THADA: variants seen among roughly 807,000 people sequenced by gnomAD.
The protein encoded by THADA is tRNA (32-2'-O)-methyltransferase regulator THADA.
In THADA, 213 loss-of-function variants were observed where a neutral mutation model predicts 219.8. The ratio of observed to expected loss-of-function variants is 0.97; its 90% confidence interval spans 0.87 to 1.09. The LOEUF (loss-of-function observed/expected upper bound fraction) is 1.09. Ranked by LOEUF, THADA falls within the 50% of genes least tolerant of loss-of-function variation. The pLI is 0.00. For synonymous variants in THADA, 1,018 were observed against 828.9 expected (o/e 1.23, Z -3.92); for missense variants, 2,956 against 2,311.3 (o/e 1.28, Z -5.72).
rs757003700 is a variant in THADA at position 43,292,172 on chromosome 2, C to T, written c.4869G>A (p.Thr1623=). The T allele has an allele frequency of 1.9e-5, 30 of 1,612,064 alleles. No homozygotes were observed. The highest frequency in any genetic ancestry group is 1.6e-4 in the Middle Eastern group (1 of 6,082). The change falls in exon 33 of 38, where the codon ACG becomes ACA. Residue 1623 remains threonine (T), a synonymous_variant. Coordinates refer to ENST00000405975, the MANE Select transcript of THADA (RefSeq NM_022065.5). The stretch of plus-strand genomic sequence containing the variant: ...TTGGGGTCAGATGGACACAGTGCTC[C>T]GTCTGGGGAAGCCACTCACCAGGGT... ...CMDPGEWLPQ[T]EHCVHLTPKE...
intron 30 of THADA, among the ~76,000 whole-genome samples, chr2:43,336,082 G>A (rs1421825714): frequency 1.3e-5 from 2 of 150,600 alleles, no homozygotes; most frequent in Non-Finnish European, 3.0e-5. Flanking sequence ...GGGTGACAGA[G>A]TGAGACTCCA....
At chr2:43,336,334 C>T (rs959188827) in intron 30 of THADA, among the ~76,000 whole-genome samples, 5 of 152,042 alleles carry the variant, frequency 3.3e-5, no homozygotes, top group Non-Finnish European at 5.9e-5. Flanking sequence ...TGCAGTGGCG[C>T]GATCTCGGCT....
chr2:43,434,467 A>C (rs1679810756), intron 26 of THADA, among the ~76,000 whole-genome samples: 1 of 152,072 alleles, frequency 6.6e-6, no homozygotes, highest in Non-Finnish European at 1.5e-5. Context: ...CATGCCCCCA[A>C]CCTGTACCTA....
intron 21 of THADA, among the ~76,000 whole-genome samples, chr2:43,530,578 T>G (rs1341418155): frequency 2.0e-5 from 3 of 152,162 alleles, no homozygotes; most frequent in Non-Finnish European, 4.4e-5. Flanking sequence ...AGAAAGTCAA[T>G]GAGATGAGGT....
chr2:43,354,119 C>A (rs1007719580), intron 29 of THADA, among the ~76,000 whole-genome samples: 7 of 151,940 alleles, frequency 4.6e-5, no homozygotes, highest in African/African-American at 1.7e-4. Context: ...CTGCGCCCGG[C>A]CAATTTTTGT....
In THADA at chr2:43,560,298, T is replaced by C; in HGVS notation, c.2399A>G (p.Glu800Gly). The change falls in exon 16 of 38, where the codon GAA becomes GGA. Residue 800 changes from glutamate (E) to glycine (G), a missense_variant. By Grantham distance (98) the Glu-to-Gly change is moderately conservative. Coordinates refer to ENST00000405975, the MANE Select transcript of THADA (RefSeq NM_022065.5). Reference sequence around the variant, plus strand: ...ATCAAATGCTAAAATTTTCACGTCTTCAAAAGTGCTGGTAAAACATTCCAT... The same window carrying C: ...ATCAAATGCTAAAATTTTCACGTCTCCAAAAGTGCTGGTAAAACATTCCAT... ...TLMECFTSTF[E>G]DVKILAFDLL... 1 of 1,612,824 alleles carries C rather than the reference T, an allele frequency of 6.2e-7. No homozygotes were observed. Among genetic ancestry groups the C allele is most frequent in the Non-Finnish European group, 8.5e-7 (1 of 1,179,334 alleles).
chr2:43,553,344 C>T (rs1454663817), intron 17 of THADA, among the ~76,000 whole-genome samples: 1 of 152,044 alleles, frequency 6.6e-6, no homozygotes, highest in Non-Finnish European at 1.5e-5. Flanking sequence ...ATGTGATAAT[C>T]GAAGATGGAG....
chr2:43,467,168 C>G (rs1030591394), intron 26 of THADA, among the ~76,000 whole-genome samples: 3 of 99,708 alleles, frequency 3.0e-5, no homozygotes, highest in Non-Finnish European at 5.5e-5. Flanking sequence ...GGCGACAGAG[C>G]GAGACTCCGT....
chr2:43,257,458 G>A (rs548629511), intron 36 of THADA, among the ~76,000 whole-genome samples: 22 of 152,334 alleles, frequency 1.4e-4, no homozygotes, highest in African/African-American at 5.0e-4. Flanking sequence ...CAAAAGGCTG[G>A]GCTTCGGGGC....
At chr2:43,367,329 T>C (rs562309922) in intron 29 of THADA, among the ~76,000 whole-genome samples, 1 of 152,134 alleles carries the variant, frequency 6.6e-6, no homozygotes, top group Admixed American at 6.5e-5. Context: ...AATTTTATGT[T>C]ATGTGTCTTT....
At chr2:43,391,634 T>A (rs1306804610) in intron 29 of THADA, among the ~76,000 whole-genome samples, 2 of 152,068 alleles carry the variant, frequency 1.3e-5, no homozygotes, top group African/African-American at 4.8e-5. Flanking sequence ...TGCTTCCCAA[T>A]CCTTTTCACA....
chr2:43,441,022 C>G (rs984021684), intron 26 of THADA, among the ~76,000 whole-genome samples: 1 of 152,128 alleles, frequency 6.6e-6, no homozygotes, highest in African/African-American at 2.4e-5. Context: ...CTTCAGTGAA[C>G]GTTTTAAGTA....
intron 28 of THADA, among the ~76,000 whole-genome samples, chr2:43,422,185 C>T (rs555035629): frequency 1.3e-5 from 2 of 152,308 alleles, no homozygotes; most frequent in Non-Finnish European, 2.9e-5. Flanking sequence ...ATAGAGAATA[C>T]TAATTTTCAC....
intron 14 of THADA, among the ~76,000 whole-genome samples, chr2:43,569,526 G>C (rs781737066): frequency 6.6e-6 from 1 of 152,098 alleles, no homozygotes; most frequent in Non-Finnish European, 1.5e-5. Flanking sequence ...CCCAATCTTC[G>C]TCATTGAGAT....
rs118120253 is a variant in THADA, at chr2:43,442,516, G to C, written c.3837-12214C>G. On this transcript the variant is annotated intron_variant, in intron 26 of 37. Coordinates refer to ENST00000405975, the MANE Select transcript of THADA (RefSeq NM_022065.5). ...TAAGACTGGATTAAAAAGGAGAGAAGACAGCATGCAAGGGAAAAGTACTTA... is the reference window on the plus strand; with the variant it reads ...TAAGACTGGATTAAAAAGGAGAGAACACAGCATGCAAGGGAAAAGTACTTA... Among the ~76,000 whole-genome samples the C allele has an allele frequency of 1.3e-4, 20 of 152,234 alleles. 1 individual carries two copies. The East Asian group carries it at 3.7e-3, about 28-fold the overall frequency.
chr2:43,392,909 T>A (rs1161378173), intron 29 of THADA, among the ~76,000 whole-genome samples: 1 of 152,218 alleles, frequency 6.6e-6, no homozygotes, highest in East Asian at 1.9e-4. Flanking sequence ...CTACAGTGTC[T>A]GCTGAATTAA....
At chr2:43,355,125 T>C (rs1668734656) in intron 29 of THADA, among the ~76,000 whole-genome samples, 1 of 152,302 alleles carries the variant, frequency 6.6e-6, no homozygotes, top group African/African-American at 2.4e-5. Flanking sequence ...ACACCATTCA[T>C]CTGCTGATGG....
chr2:43,561,075 G>C lies in THADA; in HGVS notation c.2312-690C>G, dbSNP rs1424668057. ...CCATATCTTAGAGTGAACTGACATAGAATGATCAGTATGATGACATATCCT... is the reference window on the plus strand; with the variant it reads ...CCATATCTTAGAGTGAACTGACATACAATGATCAGTATGATGACATATCCT... On this transcript the variant is annotated intron_variant, in intron 15 of 37. Transcript: ENST00000405975. Among the ~76,000 whole-genome samples, 5 of 145,280 alleles carry C rather than the reference G, an allele frequency of 3.4e-5. No individual in the cohort carries two copies. The Admixed American group carries it at 3.5e-4, about 10-fold the overall frequency.
chr2:43,411,714 C>T (rs1476651762), intron 28 of THADA, among the ~76,000 whole-genome samples: 1 of 152,102 alleles, frequency 6.6e-6, no homozygotes, highest in Non-Finnish European at 1.5e-5. Context: ...TGATTACATA[C>T]ACCTATACCC....
Sources: gnomAD v4.1 joint callset for allele counts (sites outside exome capture counted in the v4.1 genomes callset) on GRCh38, gnomAD v4.1.1 for gene constraint, MANE v1.5 for transcripts, NCBI Gene and HGNC (gene_info 2026-07-23, HGNC 2026-07-21) for gene names.